The following SLC8A1 variants were observed in gnomAD, a reference collection of about 807,000 sequenced individuals.
SLC8A1 encodes the protein sodium/calcium exchanger 1.
Under a neutral mutation model 68.3 loss-of-function variants are expected in SLC8A1, and 18 were observed. That is an observed-to-expected ratio of 0.26 (90% CI 0.18 to 0.39). The LOEUF is 0.39. SLC8A1 is among the 10% of genes least tolerant of loss of function. The pLI, the probability that SLC8A1 is intolerant of heterozygous loss-of-function variation, is 1.00. For synonymous variants in SLC8A1, 475 were observed against 415.5 expected, an observed-to-expected ratio of 1.14 and a Z score of -1.74; for missense variants, 985 against 1,156.7, an observed-to-expected ratio of 0.85 and a Z score of 2.15.
At chr2:40,286,449 G>C (rs979315480) in intron 2 of SLC8A1, among the ~76,000 whole-genome samples, 1 of 152,144 alleles carries the variant, frequency 6.6e-6, no homozygotes, top group Non-Finnish European at 1.5e-5. Flanking sequence ...ACTACTACAT[G>C]AATTTTATTT....
In SLC8A1 at chr2:40,185,981, C is replaced by G. The variant is rs187535737; in HGVS notation, c.1809-8126G>C. Among the ~76,000 whole-genome samples the G allele has an allele frequency of 2.0e-5, 3 of 152,242 alleles. No homozygotes were observed. In the East Asian group the frequency reaches 5.8e-4, roughly 29 times the overall value. On this transcript the variant is annotated intron_variant, in intron 2 of 7. Transcript: ENST00000406785. Reference sequence around the variant, plus strand: ...CTGCTGTGTCTGTCTGTACCCTACTCCTTTCCTCAGGATTTTGCATAGAAT... The same window carrying G: ...CTGCTGTGTCTGTCTGTACCCTACTGCTTTCCTCAGGATTTTGCATAGAAT...
At chr2:40,203,607 T>C (rs1042038258) in intron 2 of SLC8A1, among the ~76,000 whole-genome samples, 18 of 152,090 alleles carry the variant, frequency 1.2e-4, no homozygotes, top group Admixed American at 3.3e-4. Context: ...TTCTGACATA[T>C]GGAGAAAACC....
At chr2:40,129,618 T>A (rs991637997) in intron 7 of SLC8A1, among the ~76,000 whole-genome samples, 1 of 152,162 alleles carries the variant, frequency 6.6e-6, no homozygotes, top group Non-Finnish European at 1.5e-5. Context: ...AGACTGACAC[T>A]CTTGTGAATG....
chr2:40,325,397 G>A (rs1195560799), intron 2 of SLC8A1, among the ~76,000 whole-genome samples: 1 of 152,172 alleles, frequency 6.6e-6, no homozygotes, highest in Non-Finnish European at 1.5e-5. Context: ...AACCAGTGGA[G>A]CAGATAAATA....
chr2:40,259,353 C>A (rs1350463495), intron 2 of SLC8A1, among the ~76,000 whole-genome samples: 1 of 152,196 alleles, frequency 6.6e-6, no homozygotes, highest in African/African-American at 2.4e-5. Context: ...ACATAGAGAT[C>A]CACTTAACAG....
At chr2:40,176,794 A>G (rs2048547409) in intron 3 of SLC8A1, among the ~76,000 whole-genome samples, 1 of 152,126 alleles carries the variant, frequency 6.6e-6, no homozygotes, top group Non-Finnish European at 1.5e-5. Context: ...GCTCTCACCA[A>G]TTGTTTGTAT....
chr2:40,275,428 A>C (rs1353958605), intron 2 of SLC8A1, among the ~76,000 whole-genome samples: 8 of 152,214 alleles, frequency 5.3e-5, no homozygotes, highest in Admixed American at 5.2e-4. Flanking sequence ...TTTTCAAACA[A>C]ACTGCTCTAC....
At chr2:40,100,484 C>T (rs910474628) in exon 8 of SLC8A1, 7 of 152,128 alleles carry the variant, frequency 4.6e-5, no homozygotes, top group Admixed American at 2.6e-4. Context: ...CCCTGTCAGT[C>T]TGATCCAGCT....
chr2:40,122,343 C>A (rs890666369), intron 7 of SLC8A1, among the ~76,000 whole-genome samples: 2 of 151,968 alleles, frequency 1.3e-5, no homozygotes, highest in African/African-American at 4.8e-5. Flanking sequence ...TGATTAATAA[C>A]CAGGTAGATG....
chr2:40,175,821 T>G (rs1320596018), intron 3 of SLC8A1: 2 of 230,528 alleles, frequency 8.7e-6, no homozygotes, highest in African/African-American at 4.7e-5. Context: ...AAAGAAAGTT[T>G]AGCCCAAGGT....
intron 1 of SLC8A1, among the ~76,000 whole-genome samples, chr2:40,499,600 G>A (rs886644005): frequency 6.6e-5 from 10 of 152,028 alleles, no homozygotes; most frequent in African/African-American, 2.4e-4. Flanking sequence ...AACTGTCCTA[G>A]AGGCTGTCTG....
At chr2:40,452,444 C>T (rs532729837), upstream of SLC8A1, among the ~76,000 whole-genome samples, 81 of 152,292 alleles carry the variant, frequency 5.3e-4, no homozygotes, top group Non-Finnish European at 9.0e-4. Context: ...CGCGCTAGCG[C>T]TGTCTCTCGC....
intron 7 of SLC8A1, among the ~76,000 whole-genome samples, chr2:40,133,816 T>C (rs1173050285): frequency 6.6e-6 from 1 of 152,088 alleles, no homozygotes; most frequent in Non-Finnish European, 1.5e-5. Flanking sequence ...AAAGTCCATA[T>C]TTTGAATCTG....
intron 2 of SLC8A1, among the ~76,000 whole-genome samples, chr2:40,271,597 C>A (rs2149137615): frequency 6.6e-6 from 1 of 152,236 alleles, no homozygotes; most frequent in East Asian, 1.9e-4. Flanking sequence ...TTGTCTCTGC[C>A]ACTAGAATGC....
chr2:40,128,282 A>T (rs1353602444), intron 7 of SLC8A1, among the ~76,000 whole-genome samples: 1 of 152,198 alleles, frequency 6.6e-6, no homozygotes, highest in East Asian at 1.9e-4. Context: ...TCATGCAGGG[A>T]CCAGACATGG....
exon 8 of SLC8A1, chr2:40,103,947 CACTG>C (rs1480150082): frequency 6.6e-6 from 1 of 152,174 alleles, no homozygotes; most frequent in Non-Finnish European, 1.5e-5. Flanking sequence ...AACAGGGAAA[CACTG>C]ACCATACGGG....
intron 2 of SLC8A1, among the ~76,000 whole-genome samples, chr2:40,182,811 A>ACCACAG (rs1459675761): frequency 6.6e-6 from 1 of 152,234 alleles, no homozygotes; most frequent in Non-Finnish European, 1.5e-5. Flanking sequence ...CCAAAGTGGT[A>ACCACAG]CCACAGTCTC....
At chr2:40,295,755 T>A (rs1273826313) in intron 2 of SLC8A1, among the ~76,000 whole-genome samples, 1 of 152,148 alleles carries the variant, frequency 6.6e-6, no homozygotes, top group East Asian at 1.9e-4. Flanking sequence ...ATAAAGGAAA[T>A]ATATTTAACA....
intron 2 of SLC8A1, among the ~76,000 whole-genome samples, chr2:40,217,694 G>C (rs1187400033): frequency 6.6e-6 from 1 of 152,164 alleles, no homozygotes; most frequent in African/African-American, 2.4e-5. Flanking sequence ...AATAGAATAA[G>C]AAGGTGAGGC....
Sources: allele counts gnomAD v4.1 joint callset (sites outside exome capture counted in the v4.1 genomes callset), GRCh38; gene constraint gnomAD v4.1.1; transcripts MANE v1.5; gene names NCBI Gene and HGNC (gene_info 2026-07-23, HGNC 2026-07-21).